The following RAB33B variants were observed in gnomAD, a reference collection of about 807,000 sequenced individuals.
RAB33B encodes the protein RAB33B, member RAS oncogene family, also known as ras-related protein Rab-33B.
Under a neutral mutation model 15.0 loss-of-function variants are expected in RAB33B, and 6 were observed. That is an observed-to-expected ratio of 0.40 (90% CI 0.22 to 0.79). The LOEUF (loss-of-function observed/expected upper bound fraction) is 0.79. Among genes scored for constraint, RAB33B ranks in the 30% least tolerant of loss-of-function variants. The pLI is 0.37. For synonymous variants in RAB33B, 117 were observed against 108.3 expected (o/e 1.08, Z -0.50); for missense variants, 257 against 296.4 (o/e 0.87, Z 0.98).
chr4:139,449,849 G>A (rs758250195), upstream of RAB33B: 1 of 151,822 alleles, frequency 6.6e-6, no homozygotes, highest in Non-Finnish European at 1.5e-5. Context: ...AACAACAGAG[G>A]CCATGATTGC....
rs765854412 is a variant in RAB33B, at chr4:139,454,381, C to G, written c.186C>G (p.Thr62=). The stretch of plus-strand genomic sequence containing the variant: ...GCGCTGGCCGCTTCCCCGACCGCAC[C>G]GAGGCCACGATAGGGGTGGATTTCC... ...RFCAGRFPDR[T]EATIGVDFRE... The change falls in exon 1 of 2, where the codon ACC becomes ACG. Residue 62 remains threonine, a synonymous_variant. Transcript: ENST00000305626. The G allele has an allele frequency of 1.2e-5, 19 of 1,613,658 alleles. No individual in the cohort carries two copies. The Admixed American group carries it at 2.3e-4, about 20-fold the overall frequency.
At chr4:139,457,033 C>T (rs1750083206) in intron 1 of RAB33B, among the ~76,000 whole-genome samples, 1 of 152,126 alleles carries the variant, frequency 6.6e-6, no homozygotes, top group Admixed American at 6.6e-5. Context: ...TATTACTTTA[C>T]TAGTAAAATG....
Position 139,473,103 on chromosome 4 carries a change from C to G in RAB33B, c.667C>G (p.Pro223Ala). The G allele has an allele frequency of 6.2e-7, 1 of 1,604,606 alleles. No individual in the cohort carries two copies. Among genetic ancestry groups the G allele is most frequent in the Non-Finnish European group, 8.5e-7 (1 of 1,175,020 alleles). The part of the protein sequence containing the change: ...NGIILKPEPK[P>A]AMTCWC Reference sequence around the variant, plus strand: ...AATTATCCTGAAGCCTGAACCAAAGCCTGCAATGACGTGCTGGTGCTAAAT... The same window carrying G: ...AATTATCCTGAAGCCTGAACCAAAGGCTGCAATGACGTGCTGGTGCTAAAT... The change falls in exon 2 of 2, where the codon CCT becomes GCT. Residue 223 changes from proline (P) to alanine (A), a missense_variant. Physicochemically the swap from Pro to Ala is conservative, Grantham distance 27 (BLOSUM62 -1). Transcript: ENST00000305626.
At position 139,463,429 on chromosome 4, in the gene RAB33B, C is replaced by G. The variant is rs1328437256; in HGVS notation, c.249+8985C>G. Among the ~76,000 whole-genome samples the G allele has an allele frequency of 2.6e-5, 4 of 152,270 alleles. No homozygotes were observed. The East Asian group carries it at 7.7e-4, about 29-fold the overall frequency. ...GTGATGACAGGTGTGAGCCACCACC[C>G]CTGGCCAAGTATATATTATGTTATC... is the stretch of plus-strand genomic sequence containing the variant. On this transcript the variant is annotated intron_variant, in intron 1 of 1. Transcript: ENST00000305626.
At chr4:139,445,524 G>A in the RAB33B span, among the ~76,000 whole-genome samples, 3 of 152,156 alleles carry the variant, frequency 2.0e-5, no homozygotes, top group Non-Finnish European at 4.4e-5. Context: ...GGGTCCTGTC[G>A]AGATGTTCCT....
the RAB33B span, among the ~76,000 whole-genome samples, chr4:139,447,572 T>C: frequency 1.8e-4 from 27 of 151,748 alleles, no homozygotes; most frequent in Non-Finnish European, 2.2e-4. Flanking sequence ...GGGCTCCTCC[T>C]ACCTTTAAGT....
chr4:139,451,953 C>T (rs554612593), upstream of RAB33B: 1 of 152,282 alleles, frequency 6.6e-6, no homozygotes, highest in South Asian at 2.1e-4. Flanking sequence ...GAATTTCCTC[C>T]AATTATCAAT....
chr4:139,456,477 A>T (rs1750069195), intron 1 of RAB33B, among the ~76,000 whole-genome samples: 1 of 151,892 alleles, frequency 6.6e-6, no homozygotes, highest in African/African-American at 2.4e-5. Context: ...GTATAAAGTC[A>T]ATTACCTAAC....
chr4:139,457,913 A>G (rs571991544), intron 1 of RAB33B, among the ~76,000 whole-genome samples: 1 of 152,190 alleles, frequency 6.6e-6, no homozygotes, highest in Non-Finnish European at 1.5e-5. Flanking sequence ...CCACCTGCAC[A>G]CTTTCTATTA....
At chr4:139,472,131 A>G (rs1232479848) in intron 1 of RAB33B, among the ~76,000 whole-genome samples, 1 of 152,164 alleles carries the variant, frequency 6.6e-6, no homozygotes, top group African/African-American at 2.4e-5. Flanking sequence ...TGACATCTAT[A>G]GTTTTAAGCA....
chr4:139,467,647 G>T (rs548126338), intron 1 of RAB33B, among the ~76,000 whole-genome samples: 1 of 151,426 alleles, frequency 6.6e-6, no homozygotes, highest in Non-Finnish European at 1.5e-5. Flanking sequence ...CGCTTGAGCT[G>T]AGGAGTTCAG....
chr4:139,461,862 C>T (rs1750178986), intron 1 of RAB33B, among the ~76,000 whole-genome samples: 1 of 151,524 alleles, frequency 6.6e-6, no homozygotes, highest in Admixed American at 6.6e-5. Flanking sequence ...TGACTTCGTG[C>T]CACTGCACTC....
At chr4:139,472,588 G>A in intron 1 of RAB33B, 98 bp from the exon 2 acceptor site, 1 of 891,908 alleles carries the variant, frequency 1.1e-6, no homozygotes. Context: ...AATATTTTAA[G>A]TGAAGAGATA....
upstream of RAB33B, chr4:139,448,836 A>G (rs2111059863): frequency 6.6e-6 from 1 of 152,394 alleles, no homozygotes; most frequent in South Asian, 2.1e-4. Context: ...GCATGTGAGT[A>G]TATGAATGTG....
In RAB33B at chr4:139,475,645, T is replaced by C. The variant is rs994928624; in HGVS notation, c.*2519T>C. The stretch of plus-strand genomic sequence containing the variant: ...TAATTTTTAAAGAACAAATCACACA[T>C]TTAAAAAATCTGTAGAATTTATTTT... On this transcript the variant is annotated 3_prime_UTR_variant, in exon 2 of 2. Transcript: ENST00000305626. 16 of 152,080 alleles carry C rather than the reference T, an allele frequency of 1.1e-4. No homozygotes were observed. The highest frequency in any genetic ancestry group is 8.8e-5 in the Non-Finnish European group (6 of 67,964). The allele number at this position is 152,080 out of a possible 1,614,324, so 9.4% of individuals were successfully genotyped here. A position where few individuals can be genotyped will look rare whatever the true frequency, so the allele number is the denominator to read the frequency against.
chr4:139,457,171 T>C (rs775698158), intron 1 of RAB33B, among the ~76,000 whole-genome samples: 19 of 152,360 alleles, frequency 1.2e-4, no homozygotes, highest in Non-Finnish European at 2.2e-4. Context: ...TTAAAATGTT[T>C]TATGAAATTT....
chr4:139,453,537 C>T (rs1749981470), upstream of RAB33B: 1 of 152,430 alleles, frequency 6.6e-6, no homozygotes, highest in African/African-American at 2.4e-5. Flanking sequence ...TCCCAACTCC[C>T]GCAGTTCACA....
rs1750013311 is a variant in RAB33B, at chr4:139,454,149, T to C, written c.-47T>C. ...CTTGCGGTGGCGTAATCTCTCAGCC[T>C]TTCTGTGTCTCCTTTCCTCCGCCTC... On this transcript the variant is annotated 5_prime_UTR_variant, in exon 1 of 2. Coordinates refer to ENST00000305626, the MANE Select transcript of RAB33B (RefSeq NM_031296.3). 1 of 1,567,664 alleles carries C rather than the reference T, an allele frequency of 6.4e-7. No homozygotes were observed. The highest frequency in any genetic ancestry group is 8.6e-7 in the Non-Finnish European group (1 of 1,156,844).
upstream of RAB33B, chr4:139,450,862 T>C (rs548588360): frequency 6.6e-6 from 1 of 152,194 alleles, no homozygotes; most frequent in South Asian, 2.1e-4. Flanking sequence ...AGTAGTCTTA[T>C]TTTGTATATA....
Sources: gnomAD v4.1 joint callset for allele counts (sites outside exome capture counted in the v4.1 genomes callset) on GRCh38, gnomAD v4.1.1 for gene constraint, MANE v1.5 for transcripts, NCBI Gene and HGNC (gene_info 2026-07-23, HGNC 2026-07-21) for gene names.